CERS4: variants seen among roughly 807,000 people sequenced by gnomAD.
CERS4 encodes the protein ceramide synthase 4, also known as LAG1 homolog, ceramide synthase 4.
Under a neutral mutation model 51.8 loss-of-function variants are expected in CERS4, and 65 were observed. The ratio of observed to expected loss-of-function variants is 1.26; its 90% CI spans 1.03 to 1.54. CERS4 has a LOEUF of 1.54. Among genes scored for constraint, CERS4 ranks in the 40% most tolerant of loss-of-function variants. CERS4 has a pLI of 0.00. For synonymous variants in CERS4, 228 were observed against 208.4 expected, an observed-to-expected ratio of 1.09 and a Z score of -0.81; for missense variants, 563 against 500.4, an observed-to-expected ratio of 1.13 and a Z score of -1.19.
At chr19:8,258,068 C>A (rs1420854630) in intron 10 of CERS4, 83 bp downstream of exon 10, 2 of 1,085,748 alleles carry the variant, frequency 1.8e-6, no homozygotes, top group Non-Finnish European at 2.8e-6. Context: ...GGTACCCTGC[C>A]CCAAGGAGCT....
intron 2 of CERS4, among the ~76,000 whole-genome samples, chr19:8,234,480 T>C (rs1036123121): frequency 7.3e-5 from 11 of 151,148 alleles, no homozygotes; most frequent in African/African-American, 2.4e-4. Context: ...AAAACTGAAA[T>C]GCTGTACTTT....
chr19:8,262,069 T>G lies in CERS4; in HGVS notation c.1145T>G (p.Val382Gly), dbSNP rs1218766207. 6.6e-7 allele frequency: 1 copy of G among 1,524,272 alleles called. No individual in the cohort carries two copies. 94.4% of individuals were successfully genotyped at this position (1,524,272 alleles called of 1,614,324 possible). The change falls in exon 12 of 12, where the codon GTG becomes GGG. Residue 382 changes from valine to glycine, a missense_variant. Transcript: ENST00000251363. ...PAPTDGPRSR[V>G]AGRLTNRHTT... is the part of the protein sequence containing the mutation. Reference sequence around the variant, plus strand: ...CCCACTGATGGCCCTCGGAGCCGGGTGGCCGGGCGTCTGACCAACAGGCAC... The same window carrying G: ...CCCACTGATGGCCCTCGGAGCCGGGGGGCCGGGCGTCTGACCAACAGGCAC...
chr19:8,229,142 T>C lies in CERS4; in HGVS notation c.-2+18280T>C, dbSNP rs183672413. Among the ~76,000 whole-genome samples, 66 of 152,010 alleles carry C rather than the reference T, an allele frequency of 4.3e-4. 1 individual carries two copies. The East Asian group carries it at 0.013, about 29-fold the overall frequency. On this transcript the variant is annotated intron_variant, in intron 2 of 11. Coordinates refer to ENST00000251363, the MANE Select transcript of CERS4 (RefSeq NM_024552.3). ...AGAGTTTGAGACCAGCCTGGCAACA[T>C]GGTGAAACCCCATCTCTACAAAAAA...
chr19:8,259,011 G>A (rs534813719), intron 10 of CERS4, among the ~76,000 whole-genome samples: 7 of 151,928 alleles, frequency 4.6e-5, no homozygotes, highest in East Asian at 3.9e-4. Flanking sequence ...GCACACGCCC[G>A]TAATCCCAGC....
chr19:8,262,355 G>A lies in CERS4; in HGVS notation c.*246G>A, dbSNP rs1701735216. ...TGTGGCTGGCCAGAGACACCTCCAG[G>A]CTGTGGCCTGGGGGCTGGGGGGAGC... On this transcript the variant is annotated 3_prime_UTR_variant, in exon 12 of 12. Coordinates refer to ENST00000251363, the MANE Select transcript of CERS4 (RefSeq NM_024552.3). The A allele has an allele frequency of 2.5e-6, 1 of 404,670 alleles. No individual in the cohort carries two copies. Among genetic ancestry groups the A allele is most frequent in the Non-Finnish European group, 4.3e-6 (1 of 231,804 alleles). 25.1% of individuals were successfully genotyped at this position (404,670 alleles called of 1,614,324 possible). A position where few individuals can be genotyped will look rare whatever the true frequency, so the allele number is the denominator to read the frequency against.
Position 8,242,474 on chromosome 19 carries a change from T to A in CERS4, c.-1-8602T>A, listed in dbSNP as rs113168143. Among the ~76,000 whole-genome samples the A allele has an allele frequency of 4.2e-3, 633 of 152,180 alleles. 7 individuals carry two copies. The highest frequency in any genetic ancestry group is 0.014 in the African/African-American group (598 of 41,524). On this transcript the variant is annotated intron_variant, in intron 2 of 11. Coordinates refer to ENST00000251363, the MANE Select transcript of CERS4 (RefSeq NM_024552.3). Reference sequence around the variant, plus strand: ...GAGTTTAGAACTGGTTATGCTTCCTTCTCCAACCCTCCCTGCAAAAACACT... The same window carrying A: ...GAGTTTAGAACTGGTTATGCTTCCTACTCCAACCCTCCCTGCAAAAACACT...
intron 3 of CERS4, among the ~76,000 whole-genome samples, chr19:8,251,800 TAAAA>T (rs111723071): frequency 2.8e-5 from 4 of 144,074 alleles, no homozygotes; most frequent in African/African-American, 1.0e-4. Flanking sequence ...CAAGACTCCA[TAAAA>T]AAAAAAAAAT....
chr19:8,226,062 T>C (rs1196465657), intron 2 of CERS4, among the ~76,000 whole-genome samples: 1 of 151,888 alleles, frequency 6.6e-6, no homozygotes, highest in African/African-American at 2.4e-5. Flanking sequence ...CCAGGTGTGG[T>C]GGCGCATGCT....
intron 2 of CERS4, among the ~76,000 whole-genome samples, chr19:8,249,254 T>C (rs764114180): frequency 2.3e-4 from 34 of 150,688 alleles, no homozygotes; most frequent in Non-Finnish European, 4.1e-4. Context: ...GATGGGTGGA[T>C]AGAGGGATGG....
chr19:8,220,367 C>T (rs1427584059), intron 2 of CERS4, among the ~76,000 whole-genome samples: 3 of 152,106 alleles, frequency 2.0e-5, no homozygotes, highest in East Asian at 1.9e-4. Flanking sequence ...TGCAGTGGTG[C>T]GATCTCGGCT....
At chr19:8,223,577 C>T (rs1967650319) in intron 2 of CERS4, among the ~76,000 whole-genome samples, 1 of 151,960 alleles carries the variant, frequency 6.6e-6, no homozygotes, top group Non-Finnish European at 1.5e-5. Flanking sequence ...TAAGATTGCA[C>T]CATTGTGCTC....
intron 2 of CERS4, among the ~76,000 whole-genome samples, chr19:8,236,353 G>A (rs757146470): frequency 6.6e-6 from 1 of 152,136 alleles, no homozygotes; most frequent in African/African-American, 2.4e-5. Context: ...GGGGAACTCT[G>A]TATATGCTAG....
At chr19:8,256,731 G>C in intron 8 of CERS4, 21 bp downstream of exon 8, 1 of 1,607,718 alleles carries the variant, frequency 6.2e-7, no homozygotes, top group South Asian at 1.1e-5. Flanking sequence ...ATAAGAGTCT[G>C]GAAGACCCAG....
At chr19:8,223,269 A>G (rs773825603) in intron 2 of CERS4, among the ~76,000 whole-genome samples, 3 of 151,604 alleles carry the variant, frequency 2.0e-5, no homozygotes, top group African/African-American at 7.3e-5. Flanking sequence ...CAGGAGTTTG[A>G]GACTAGCCTG....
At chr19:8,250,355 AACT>A (rs1345490900) in intron 2 of CERS4, among the ~76,000 whole-genome samples, 2 of 152,170 alleles carry the variant, frequency 1.3e-5, no homozygotes, top group South Asian at 2.1e-4. Context: ...GCAGAGTAAT[AACT>A]ACTATTTTGG....
At position 8,251,210 on chromosome 19, in the gene CERS4, T is replaced by C; in HGVS notation, c.134T>C (p.Leu45Pro). ...CAGGACTTGTTGGCAGCCCTGCCCC[T>C]GGCGCTGGTCCTCCTGGCCATGCGC... ...HPQDLLAALP[L>P]ALVLLAMRLA... is the part of the protein sequence containing the mutation. The change falls in exon 3 of 12, where the codon CTG becomes CCG. Residue 45 changes from leucine (L) to proline (P), a missense_variant. Physicochemically the swap from Leu to Pro is moderately conservative, Grantham distance 98 (BLOSUM62 -3). Coordinates refer to ENST00000251363, the MANE Select transcript of CERS4 (RefSeq NM_024552.3). The C allele has an allele frequency of 6.2e-7, 1 of 1,612,014 alleles. No homozygotes were observed. Among genetic ancestry groups the C allele is most frequent in the Non-Finnish European group, 8.5e-7 (1 of 1,179,172 alleles).
intron 9 of CERS4, chr19:8,257,309 C>T (rs554424126): frequency 3.2e-5 from 17 of 536,530 alleles, no homozygotes; most frequent in South Asian, 3.1e-4. Context: ...TGGGCAGAGG[C>T]CCCCGCCTTC....
intron 2 of CERS4, among the ~76,000 whole-genome samples, chr19:8,211,725 C>G (rs1416167391): frequency 7.9e-5 from 12 of 151,898 alleles, no homozygotes; most frequent in Admixed American, 7.2e-4. Context: ...AACCCCATCT[C>G]TACTAGAAAT....
At chr19:8,236,205 A>C (rs1968245704) in intron 2 of CERS4, among the ~76,000 whole-genome samples, 1 of 152,136 alleles carries the variant, frequency 6.6e-6, no homozygotes, top group African/African-American at 2.4e-5. Context: ...AAAACAAACA[A>C]AAAAATGCCT....
Sources: allele counts gnomAD v4.1 joint callset (sites outside exome capture counted in the v4.1 genomes callset), GRCh38; gene constraint gnomAD v4.1.1; transcripts MANE v1.5; gene names NCBI Gene and HGNC (gene_info 2026-07-23, HGNC 2026-07-21).